ZNF208: variants seen among roughly 807,000 people sequenced by gnomAD.
ZNF208 encodes zinc finger protein 95.
In ZNF208, 10 loss-of-function variants were observed where a neutral mutation model predicts 12.1. The observed-to-expected ratio is 0.83, with a 90% confidence interval of 0.51 to 1.40. ZNF208 has a LOEUF of 1.40. Among genes scored for constraint, ZNF208 ranks in the 40% most tolerant of loss-of-function variants. The pLI is 0.00. For synonymous variants in ZNF208, 497 were observed against 488.4 expected (o/e 1.02, Z -0.23); for missense variants, 1,652 against 1,485.0 (o/e 1.11, Z -1.85).
Position 21,981,509 on chromosome 19 carries a change from G to A in ZNF208, c.226+5707C>T, listed in dbSNP as rs1249770109. Among the ~76,000 whole-genome samples the A allele has an allele frequency of 2.6e-5, 4 of 152,054 alleles. No homozygotes were observed. In the East Asian group the frequency reaches 7.7e-4, roughly 29 times the overall value. ...AAAAGGCCTTCAACAAAATTGAACA[G>A]CCTTCATGCTAAAAACTTGCAATAA... On this transcript the variant is annotated intron_variant, in intron 3 of 3. Transcript: ENST00000397126.
chr19:21,997,719 A>G (rs1393110853), intron 1 of ZNF208: 4 of 160,678 alleles, frequency 2.5e-5, no homozygotes, highest in African/African-American at 9.6e-5. Flanking sequence ...CTTCACAATA[A>G]TAGAAAAGGG....
intron 3 of ZNF208, among the ~76,000 whole-genome samples, chr19:21,982,828 T>C (rs771372310): frequency 2.2e-4 from 33 of 152,162 alleles, no homozygotes; most frequent in Admixed American, 3.9e-4. Flanking sequence ...AAACTGAAAC[T>C]GGACCCCTTC....
At chr19:21,956,325 CA>C (rs71178796) in intron 4 of ZNF208, among the ~76,000 whole-genome samples, 93,808 of 151,988 alleles carry the variant, frequency 0.62, 29,686 homozygotes, top group African/African-American at 0.74. Context: ...TCTCATATCT[CA>C]AAACTCTGTG....
chr19:21,956,294 T>C (rs1969975544), intron 4 of ZNF208, among the ~76,000 whole-genome samples: 1 of 149,514 alleles, frequency 6.7e-6, no homozygotes, highest in Non-Finnish European at 1.5e-5. Context: ...AGAGACCCAA[T>C]TGAGGAGGCA....
chr19:21,971,795 G>A lies in ZNF208; in HGVS notation c.3239C>T (p.Ala1080Val), dbSNP rs1344961968. ...TTCACATTTGTAGGGTTCCTCTCCA[G>A]CATGAGTTGCCTTATGTTCAGTAAG... Reference protein sequence around the residue: ...SRLTEHKATHAGEEPYKCEEC... With the variant: ...SRLTEHKATHVGEEPYKCEEC... The change falls in exon 4 of 4, where the codon GCT becomes GTT. Residue 1080 changes from alanine to valine, a missense_variant. Physicochemically the swap from Ala to Val is moderately conservative, Grantham distance 64 (BLOSUM62 0). Coordinates refer to ENST00000397126, the MANE Select transcript of ZNF208 (RefSeq NM_007153.3). 2 of 1,613,830 alleles carry A rather than the reference G, an allele frequency of 1.2e-6. No homozygotes were observed. Among genetic ancestry groups the A allele is most frequent in the South Asian group, 2.2e-5 (2 of 91,008 alleles).
intron 3 of ZNF208, among the ~76,000 whole-genome samples, chr19:21,976,322 C>T (rs1405616114): frequency 6.6e-6 from 1 of 152,040 alleles, no homozygotes; most frequent in Non-Finnish European, 1.5e-5. Context: ...AGGTTCTATG[C>T]AATCCCCAAG....
At position 21,973,540 on chromosome 19, in the gene ZNF208, T is replaced by G. The variant is rs1394714096; in HGVS notation, c.1494A>C (p.Lys498Asn). 6.2e-7 allele frequency: 1 copy of G among 1,613,530 alleles called. No individual in the cohort carries two copies. The highest frequency in any genetic ancestry group is 1.1e-5 in the South Asian group (1 of 91,062). The change falls in exon 4 of 4, where the codon AAA becomes AAC. Residue 498 changes from lysine (K) to asparagine (N), a missense_variant. By Grantham distance (94) the Lys-to-Asn change is moderately conservative. Transcript: ENST00000397126. ...TGAAAGCTTTGCCACATTCTTCACA[T>G]TTGTAGGGTTTCTCTCCAGCATGAG... is the stretch of plus-strand genomic sequence containing the variant. ...KATHAGEKPY[K>N]CEECGKAFNW... is the part of the protein sequence containing the mutation.
intron 2 of ZNF208, 132 bp downstream of exon 2, chr19:21,988,651 C>T: frequency 6.4e-7 from 1 of 1,566,004 alleles, no homozygotes; most frequent in South Asian, 1.2e-5. Context: ...CCCCTGACCC[C>T]TTCTTCCAAA....
chr19:21,986,106 C>T (rs1440075680), intron 3 of ZNF208, among the ~76,000 whole-genome samples: 1 of 152,146 alleles, frequency 6.6e-6, no homozygotes, highest in Non-Finnish European at 1.5e-5. Flanking sequence ...AATTCATACA[C>T]CAATGCAAAA....
At position 21,947,698 on chromosome 19, in the gene ZNF208, G is replaced by C. The variant is rs535650531; in HGVS notation, c.306-14461C>G. Among the ~76,000 whole-genome samples, 244 of 152,222 alleles carry C rather than the reference G, an allele frequency of 1.6e-3. 1 individual carries two copies. Among genetic ancestry groups the C allele is most frequent in the African/African-American group, 5.5e-3 (230 of 41,530 alleles). On this transcript the variant is annotated intron_variant, in intron 4 of 4. Coordinates refer to the ZNF208 transcript ENST00000599916. ...ACATGTTCTTCATCAAACTACACTGGAATTTGAACAAAAAGGAATTTTATG... is the reference window on the plus strand; with the variant it reads ...ACATGTTCTTCATCAAACTACACTGCAATTTGAACAAAAAGGAATTTTATG...
chr19:21,958,141 T>C lies in ZNF208; in HGVS notation c.305+16588A>G, dbSNP rs111248833. 2.3e-3 allele frequency among the ~76,000 whole-genome samples: 352 copies of C among 151,434 alleles called. 1 individual carries two copies. Among genetic ancestry groups the C allele is most frequent in the African/African-American group, 8.2e-3 (338 of 41,260 alleles). On this transcript the variant is annotated intron_variant, in intron 4 of 4. Transcript: ENST00000599916. ...GAATGATGACTTCCAATTTCATCCA[T>C]GTCCTTAAAGAAGGAATTTTGTGAG... is the stretch of plus-strand genomic sequence containing the variant.
chr19:21,987,483 T>C (rs138086203), intron 2 of ZNF208, among the ~76,000 whole-genome samples, 172 bp from the exon 3 acceptor site: 3 of 152,272 alleles, frequency 2.0e-5, no homozygotes, highest in Non-Finnish European at 4.4e-5. Flanking sequence ...AAGCTGGCCA[T>C]AAAAATATGG....
In ZNF208 at chr19:21,968,096, G is replaced by C. The variant is rs1298013924; in HGVS notation, c.*3095C>G. 1 of 152,000 alleles carries C rather than the reference G, an allele frequency of 6.6e-6. No individual in the cohort carries two copies. The allele number at this position is 152,000 out of a possible 1,614,324, so 9.4% of individuals were successfully genotyped here. A position where few individuals can be genotyped will look rare whatever the true frequency, so the allele number is the denominator to read the frequency against. On this transcript the variant is annotated 3_prime_UTR_variant, in exon 4 of 4. Transcript: ENST00000397126. ...CATTTGTGCTGATTTTGTATTCTAA[G>C]ATTTTTTTTGAAGTCTTTTTCCAGG...
intron 3 of ZNF208, among the ~76,000 whole-genome samples, chr19:21,975,331 A>C (rs1465249667): frequency 2.0e-5 from 3 of 152,200 alleles, no homozygotes; most frequent in African/African-American, 7.2e-5. Flanking sequence ...CTGAGACCAA[A>C]GGTAAATGCA....
intron 1 of ZNF208, among the ~76,000 whole-genome samples, chr19:21,994,690 T>C (rs1453249744): frequency 3.9e-5 from 6 of 152,092 alleles, no homozygotes; most frequent in Non-Finnish European, 7.4e-5. Flanking sequence ...CTAGAATAAT[T>C]TTTTTAGAAG....
At chr19:21,956,263 C>T (rs781615354) in intron 4 of ZNF208, among the ~76,000 whole-genome samples, 3 of 152,198 alleles carry the variant, frequency 2.0e-5, no homozygotes, top group Non-Finnish European at 4.4e-5. Flanking sequence ...AGGTGTCTCC[C>T]AGTTAGACTA....
chr19:21,992,068 C>CA (rs1483497330), intron 1 of ZNF208, among the ~76,000 whole-genome samples: 14 of 151,854 alleles, frequency 9.2e-5, no homozygotes, highest in African/African-American at 3.1e-4. Context: ...TTTCATTTTC[C>CA]AAAAACAGAC....
At chr19:21,994,142 A>G (rs1014149606) in intron 1 of ZNF208, among the ~76,000 whole-genome samples, 7 of 152,208 alleles carry the variant, frequency 4.6e-5, no homozygotes, top group Non-Finnish European at 1.0e-4. Flanking sequence ...AGATGGAAAG[A>G]GTTTAATGCA....
intron 1 of ZNF208, among the ~76,000 whole-genome samples, chr19:21,992,245 T>C (rs546969083): frequency 6.6e-6 from 1 of 152,348 alleles, no homozygotes; most frequent in African/African-American, 2.4e-5. Flanking sequence ...TAACATCAAC[T>C]ACACTAGAAC....
Sources: allele counts gnomAD v4.1 joint callset (sites outside exome capture counted in the v4.1 genomes callset), GRCh38; gene constraint gnomAD v4.1.1; transcripts MANE v1.5; gene names NCBI Gene and HGNC (gene_info 2026-07-23, HGNC 2026-07-21).